RBM4: variants seen among roughly 807,000 people sequenced by gnomAD.
RBM4 encodes the protein RNA-binding protein 4.
RBM4 carries 7 observed loss-of-function variants against 29.5 expected under a neutral mutation model. That is an observed-to-expected ratio of 0.24 (90% CI 0.14 to 0.45). RBM4 has a LOEUF of 0.45. RBM4 is among the 20% of genes least tolerant of loss of function. The probability of loss-of-function intolerance (pLI) is 1.00; values close to 1 mark genes in which losing one functional copy is unlikely to be tolerated. For missense variants in RBM4, 387 were observed against 502.3 expected (o/e 0.77, Z 2.19); for synonymous variants, 220 against 205.4 (o/e 1.07, Z -0.61).
At chr11:66,667,401 C>T (rs575466632) in exon 3 of RBM4, 1 of 152,142 alleles carries the variant, frequency 6.6e-6, no homozygotes, top group Non-Finnish European at 1.5e-5. Context: ...TATCTAACTC[C>T]TTAAATGTTC....
intron 2 of RBM4, among the ~76,000 whole-genome samples, chr11:66,654,851 G>A (rs547701234): frequency 3.9e-4 from 59 of 151,834 alleles, no homozygotes; most frequent in Non-Finnish European, 8.2e-4. Context: ...TTGAGATGGA[G>A]TCTCCCTACG....
intron 2 of RBM4, among the ~76,000 whole-genome samples, chr11:66,662,812 T>G (rs1939107405): frequency 6.6e-6 from 1 of 152,214 alleles, no homozygotes; most frequent in Non-Finnish European, 1.5e-5. Context: ...GCATAGTGCC[T>G]TGCAGATCAT....
chr11:66,649,642 T>C, downstream of RBM4: 1 of 645,194 alleles, frequency 1.5e-6, no homozygotes, highest in Non-Finnish European at 2.8e-6. Context: ...TATCTTTGAG[T>C]GGAAGCCACA....
chr11:66,658,769 T>C (rs1198143810), intron 2 of RBM4, among the ~76,000 whole-genome samples: 1 of 151,942 alleles, frequency 6.6e-6, no homozygotes, highest in African/African-American at 2.4e-5. Context: ...AAACCCCATC[T>C]CTACTAAAAA....
rs145318431 is a variant in RBM4 at position 66,658,817 on chromosome 11, G to A, written c.413-7039G>A. Among the ~76,000 whole-genome samples the A allele has an allele frequency of 4.0e-5, 6 of 151,776 alleles. 1 individual carries two copies. Among genetic ancestry groups the A allele is most frequent in the African/African-American group, 1.4e-4 (6 of 41,386 alleles). ...CCAGGCGTGGTGGCACGTGCCTGTA[G>A]TCCCAGCTTCTTGGGAGGCTGAGAC... On this transcript the variant is annotated intron_variant, in intron 2 of 2. Coordinates refer to the RBM4 transcript ENST00000396053.
Position 66,646,008 on chromosome 11 carries a change from G to T in RBM4, c.*9-19G>T. 1 of 1,536,138 alleles carries T rather than the reference G, an allele frequency of 6.5e-7. No homozygotes were observed. Among genetic ancestry groups the T allele is most frequent in the Non-Finnish European group, 8.7e-7 (1 of 1,146,906 alleles). ...TTTTGAGCTTTGCTGTAAAGCCGCT[G>T]TATTGTGCTCTCTTTCAGGTGGGAT... On this transcript the variant is annotated intron_variant, in intron 3 of 3. Coordinates refer to ENST00000310092, the MANE Select transcript of RBM4 (RefSeq NM_002896.4).
chr11:66,643,766 T>C lies in RBM4; in HGVS notation c.729T>C (p.Asn243=), dbSNP rs1043858513. ...AVAAAAASVY[N]YAEQTLSQLP... The stretch of plus-strand genomic sequence containing the variant: ...CAGCTGCAGCTGCCTCCGTGTATAA[T>C]TACGCAGAGCAGACCCTGTCCCAGC... The change falls in exon 3 of 4, where the codon AAT becomes AAC. Residue 243 remains asparagine, a synonymous_variant. Transcript: ENST00000310092. This position sits in a 1 kb window ranked among gnomAD's most constrained non-coding sequence, Gnocchi z 6.1. The C allele has an allele frequency of 1.2e-6, 2 of 1,613,962 alleles. No individual in the cohort carries two copies. Among genetic ancestry groups the C allele is most frequent in the Admixed American group, 3.3e-5 (2 of 60,008 alleles).
intron 2 of RBM4, among the ~76,000 whole-genome samples, chr11:66,663,844 T>C (rs1164325100): frequency 6.6e-6 from 1 of 152,104 alleles, no homozygotes; most frequent in Admixed American, 6.6e-5. Context: ...GATGCAGGGC[T>C]TACTCCTAGC....
intron 2 of RBM4, among the ~76,000 whole-genome samples, chr11:66,662,188 T>C (rs983630001): frequency 5.9e-5 from 9 of 152,170 alleles, no homozygotes. Flanking sequence ...ACTAGCTACA[T>C]GTAGCTAATT....
intron 2 of RBM4, among the ~76,000 whole-genome samples, chr11:66,654,489 C>T (rs1238897070): frequency 6.6e-6 from 1 of 151,860 alleles, no homozygotes; most frequent in Non-Finnish European, 1.5e-5. Context: ...GAGTGAGACT[C>T]CATCTCAAAA....
downstream of RBM4, chr11:66,649,624 A>G (rs1938783561): frequency 4.8e-6 from 3 of 619,360 alleles, no homozygotes; most frequent in Non-Finnish European, 8.7e-6. Context: ...TATGCTTCCA[A>G]TCAAGTGTAT....
At chr11:66,665,007 T>C (rs1436497259) in intron 2 of RBM4, 1 of 152,488 alleles carries the variant, frequency 6.6e-6, no homozygotes, top group Non-Finnish European at 1.5e-5. Flanking sequence ...ATTTAAGTGT[T>C]AGAAACATTT....
At chr11:66,651,349 CTTTTT>C (rs750581946), downstream of RBM4, among the ~76,000 whole-genome samples, 1 of 140,260 alleles carries the variant, frequency 7.1e-6, no homozygotes, top group Admixed American at 7.2e-5. Context: ...AGAGAAAGTA[CTTTTT>C]TTTTTTTTTT....
At chr11:66,652,953 T>C (rs1938864436) in intron 2 of RBM4, among the ~76,000 whole-genome samples, 1 of 152,120 alleles carries the variant, frequency 6.6e-6, no homozygotes, top group Non-Finnish European at 1.5e-5. Flanking sequence ...GAATTGAGCA[T>C]TGTATTACTG....
rs753955211 is a variant in RBM4 at position 66,639,729 on chromosome 11, C to T, written c.18C>T (p.Ile6=). 1.2e-6 allele frequency: 2 copies of T among 1,613,972 alleles called. No individual in the cohort carries two copies. The highest frequency in any genetic ancestry group is 1.7e-6 in the Non-Finnish European group (2 of 1,179,846). Residue 6 remains isoleucine, a synonymous_variant, in exon 2 of 4, where the codon ATC becomes ATT. Coordinates refer to ENST00000310092, the MANE Select transcript of RBM4 (RefSeq NM_002896.4). ...TTGTCAGGATGGTGAAGCTGTTCATCGGAAACCTGCCCCGGGAGGCTACAG... is the reference window on the plus strand; with the variant it reads ...TTGTCAGGATGGTGAAGCTGTTCATTGGAAACCTGCCCCGGGAGGCTACAG... MVKLF[I]GNLPREATEQ... is the part of the protein sequence containing the mutation.
chr11:66,651,290 G>A (rs1002570219), downstream of RBM4, among the ~76,000 whole-genome samples: 4 of 151,858 alleles, frequency 2.6e-5, no homozygotes, highest in African/African-American at 9.7e-5. Flanking sequence ...GAAGTCCCAG[G>A]ACTCCCTTTC....
chr11:66,653,666 CTTTAGCTT>C (rs1444131697), intron 2 of RBM4, among the ~76,000 whole-genome samples: 1 of 152,070 alleles, frequency 6.6e-6, no homozygotes, highest in African/African-American at 2.4e-5. Context: ...CCAACCTTTT[CTTTAGCTT>C]TTATTGTAAG....
rs1004186974 is a variant in RBM4 at position 66,646,416 on chromosome 11, T to C, written c.*398T>C. 9.4e-7 allele frequency: 1 copy of C among 1,060,690 alleles called. No individual in the cohort carries two copies. Among genetic ancestry groups the C allele is most frequent in the African/African-American group, 1.7e-5 (1 of 60,236 alleles). The allele number at this position is 1,060,690 out of a possible 1,614,324, so 65.7% of individuals were successfully genotyped here. On this transcript the variant is annotated 3_prime_UTR_variant, in exon 4 of 4. Transcript: ENST00000310092. ...CTTTTTGGTCCAAAGGCTAGACCTA[T>C]AGAGTTGGATCACTTTTTTTCTTTC... is the stretch of plus-strand genomic sequence containing the variant.
intron 2 of RBM4, among the ~76,000 whole-genome samples, chr11:66,657,108 CTTTTTTTT>C (rs748071140): frequency 2.4e-4 from 22 of 93,396 alleles, no homozygotes; most frequent in Non-Finnish European, 2.7e-4. Flanking sequence ...ATTTTTTAGT[CTTTTTTTT>C]TTTTTTTTTT....
Sources: gnomAD v4.1 joint callset for allele counts (sites outside exome capture counted in the v4.1 genomes callset) on GRCh38, gnomAD v4.1.1 for gene constraint, Gnocchi (gnomAD v3.1) non-coding constraint, MANE v1.5 for transcripts, NCBI Gene and HGNC (gene_info 2026-07-23, HGNC 2026-07-21) for gene names.